Variants in MINDY4 observed in about 807,000 individuals in gnomAD.
MINDY4 encodes the protein MINDY lysine 48 deubiquitinase 4, also known as probable ubiquitin carboxyl-terminal hydrolase MINDY-4.
A neutral mutation model predicts 87.0 loss-of-function variants in MINDY4; 68 were observed. The observed-to-expected ratio is 0.78, with a 90% confidence interval of 0.64 to 0.96. The LOEUF (loss-of-function observed/expected upper bound fraction) is 0.96. Ranked by LOEUF, MINDY4 falls within the 40% of genes least tolerant of loss-of-function variation. The pLI, the probability that MINDY4 is intolerant of heterozygous loss-of-function variation, is 0.00. For missense variants in MINDY4, 919 were observed against 928.2 expected, an observed-to-expected ratio of 0.99 and a Z score of 0.13; for synonymous variants, 379 against 363.2, an observed-to-expected ratio of 1.04 and a Z score of -0.50.
intron 13 of MINDY4, among the ~76,000 whole-genome samples, chr7:30,870,855 G>C (rs1790081096): frequency 6.6e-6 from 1 of 152,234 alleles, no homozygotes; most frequent in South Asian, 2.1e-4. Context: ...TCTCTTTGGG[G>C]TGTGGTTGAA....
Position 30,875,672 on chromosome 7 carries a change from C to T in MINDY4, c.1971+16C>T, listed in dbSNP as rs747477976. ...CATGTGCCAGGTACCCAGATGCTCA[C>T]GTTCACCACAAGTAGGGGAGCCTGA... On this transcript the variant is annotated intron_variant, in intron 15 of 17. Coordinates refer to ENST00000265299, the MANE Select transcript of MINDY4 (RefSeq NM_032222.3). The T allele has an allele frequency of 1.5e-5, 24 of 1,592,142 alleles. No individual in the cohort carries two copies. The highest frequency in any genetic ancestry group is 2.2e-5 in the East Asian group (1 of 44,640).
At chr7:30,841,995 A>G (rs1789053304) in intron 9 of MINDY4, among the ~76,000 whole-genome samples, 2 of 152,352 alleles carry the variant, frequency 1.3e-5, no homozygotes, top group South Asian at 4.1e-4. Flanking sequence ...ACTGTTCACT[A>G]GGAGAGCCAT....
At chr7:30,885,944 A>G (rs1219568528) in intron 17 of MINDY4, among the ~76,000 whole-genome samples, 1 of 152,110 alleles carries the variant, frequency 6.6e-6, no homozygotes, top group Non-Finnish European at 1.5e-5. Flanking sequence ...TGTTCCTAGA[A>G]AAGCTGAGTG....
intron 2 of MINDY4, chr7:30,779,964 A>G (rs912244717): frequency 6.6e-6 from 1 of 152,174 alleles, no homozygotes; most frequent in East Asian, 1.9e-4. Context: ...TAAAGGATGG[A>G]ATTTCAGGCA....
intron 4 of MINDY4, among the ~76,000 whole-genome samples, chr7:30,787,696 T>C (rs1457239137): frequency 6.6e-6 from 1 of 152,170 alleles, no homozygotes; most frequent in South Asian, 2.1e-4. Context: ...TGGAAAAGGT[T>C]GTTTTGGAAG....
intron 8 of MINDY4, 98 bp from the exon 9 acceptor site, chr7:30,840,662 T>A: frequency 1.0e-6 from 1 of 978,808 alleles, no homozygotes; most frequent in East Asian, 2.4e-5. Context: ...GCAGGGCCCC[T>A]TTACTCTATC....
chr7:30,801,235 C>T (rs540269566), intron 5 of MINDY4, among the ~76,000 whole-genome samples: 1 of 152,338 alleles, frequency 6.6e-6, no homozygotes, highest in East Asian at 1.9e-4. Context: ...ACATCTGCAC[C>T]TCATGGGATG....
At chr7:30,827,160 G>A (rs1042625898) in intron 5 of MINDY4, among the ~76,000 whole-genome samples, 2 of 152,194 alleles carry the variant, frequency 1.3e-5, no homozygotes, top group African/African-American at 4.8e-5. Flanking sequence ...GATGCAGGAT[G>A]TTGGAGAGAT....
intron 17 of MINDY4, among the ~76,000 whole-genome samples, chr7:30,890,236 G>A (rs534267445): frequency 3.9e-5 from 6 of 152,314 alleles, no homozygotes; most frequent in Admixed American, 6.5e-5. Flanking sequence ...ACAATTCAGC[G>A]TTCCTATTTG....
intron 16 of MINDY4, 30 bp downstream of exon 16, chr7:30,882,391 A>G: frequency 1.2e-6 from 1 of 810,136 alleles, no homozygotes; most frequent in Non-Finnish European, 1.6e-6. Context: ...CACCCACCCA[A>G]CCCTGTCCCC....
chr7:30,859,439 T>C, intron 13 of MINDY4, 115 bp downstream of exon 13: 3 of 987,320 alleles, frequency 3.0e-6, no homozygotes, highest in Non-Finnish European at 4.7e-6. Context: ...GTGAGTATTG[T>C]GGAAAGGATG....
In MINDY4 at chr7:30,814,555, A is replaced by G. The variant is rs142381474; in HGVS notation, c.1074-14124A>G. 4.2e-3 allele frequency among the ~76,000 whole-genome samples: 645 copies of G among 152,356 alleles called. 1 individual carries two copies. Among genetic ancestry groups the G allele is most frequent in the African/African-American group, 0.015 (616 of 41,580 alleles). On this transcript the variant is annotated intron_variant, in intron 5 of 17. Transcript: ENST00000265299. The stretch of plus-strand genomic sequence containing the variant: ...AAAAAGTTCTTATGCTGCTTTCTAC[A>G]CAGGACTTTCGTGAGAATTAAATTT...
rs1278587049 is a variant in MINDY4, at chr7:30,875,621, T to G, written c.1936T>G (p.Phe646Val). 3 of 1,613,704 alleles carry G rather than the reference T, an allele frequency of 1.9e-6. No individual in the cohort carries two copies. The highest frequency in any genetic ancestry group is 2.5e-6 in the Non-Finnish European group (3 of 1,179,828). ...CATTGCTGCACGCAGTGATATTGGC[T>G]TCTTATCTCTCTTTGAGCATTACAA... The part of the protein sequence containing the change: ...RGIAARSDIG[F>V]LSLFEHYNMC... The change falls in exon 15 of 18, where the codon TTC becomes GTC. Residue 646 changes from phenylalanine to valine, a missense_variant. Phe to Val is a conservative substitution (Grantham distance 50, BLOSUM62 -1). Coordinates refer to ENST00000265299, the MANE Select transcript of MINDY4 (RefSeq NM_032222.3).
At chr7:30,820,354 TCTC>T (rs1482556403) in intron 5 of MINDY4, among the ~76,000 whole-genome samples, 1 of 152,208 alleles carries the variant, frequency 6.6e-6, no homozygotes, top group African/African-American at 2.4e-5. Flanking sequence ...TTATATAATT[TCTC>T]CTCTTTTCTT....
At chr7:30,802,021 G>GCTGTTAGAT (rs1184565963) in intron 5 of MINDY4, among the ~76,000 whole-genome samples, 4 of 133,998 alleles carry the variant, frequency 3.0e-5, no homozygotes, top group African/African-American at 1.3e-4. Context: ...AGAAGTAGCA[G>GCTGTTAGAT]CTGTTAGATG....
At position 30,859,278 on chromosome 7, in the gene MINDY4, T is replaced by C; in HGVS notation, c.1699T>C (p.Cys567Arg). Reference sequence around the variant, plus strand: ...CCAGTTTGAAGTGGGCCCCTATGGCTGCATCCTGCTCACCCTTTCTGCCAT... The same window carrying C: ...CCAGTTTGAAGTGGGCCCCTATGGCCGCATCCTGCTCACCCTTTCTGCCAT... The part of the protein sequence containing the change: ...IHQFEVGPYG[C>R]ILLTLSAILS... Residue 567 changes from cysteine to arginine, a missense_variant, in exon 13 of 18, where the codon TGC becomes CGC. By Grantham distance (180) the Cys-to-Arg change is radical. Transcript: ENST00000265299. 1 of 1,614,156 alleles carries C rather than the reference T, an allele frequency of 6.2e-7. No homozygotes were observed. Among genetic ancestry groups the C allele is most frequent in the Non-Finnish European group, 8.5e-7 (1 of 1,180,008 alleles).
chr7:30,845,665 C>CGG (rs1789187941), intron 9 of MINDY4, among the ~76,000 whole-genome samples: 2 of 152,152 alleles, frequency 1.3e-5, no homozygotes, highest in Admixed American at 1.3e-4. Flanking sequence ...TGCCTGTGTG[C>CGG]GGGGTCTGCC....
chr7:30,848,252 G>T (rs73301927), intron 9 of MINDY4, among the ~76,000 whole-genome samples: 2,557 of 152,340 alleles, frequency 0.017, 59 homozygotes, highest in African/African-American at 0.059. Flanking sequence ...CACCTGTGTT[G>T]TAGGAAGACA....
At chr7:30,847,211 T>G (rs1018049112) in intron 9 of MINDY4, among the ~76,000 whole-genome samples, 1 of 152,206 alleles carries the variant, frequency 6.6e-6, no homozygotes, top group South Asian at 2.1e-4. Flanking sequence ...AACTCTACTG[T>G]GTTTTCTAGA....
Sources: gnomAD v4.1 joint callset for allele counts (sites outside exome capture counted in the v4.1 genomes callset) on GRCh38, gnomAD v4.1.1 for gene constraint, MANE v1.5 for transcripts, NCBI Gene and HGNC (gene_info 2026-07-23, HGNC 2026-07-21) for gene names.